The following SEC24B variants were observed in gnomAD, a reference collection of about 807,000 sequenced individuals.
SEC24B encodes the protein protein transport protein Sec24B.
SEC24B carries 45 observed loss-of-function variants against 142.8 expected under a neutral mutation model. The observed-to-expected ratio is 0.32, with a 90% CI of 0.25 to 0.40. The LOEUF is 0.40. SEC24B is among the 10% of genes least tolerant of loss of function. SEC24B has a pLI of 1.00. For missense variants in SEC24B, 1,409 were observed against 1,526.8 expected, an observed-to-expected ratio of 0.92 and a Z score of 1.29; for synonymous variants, 574 against 568.2, an observed-to-expected ratio of 1.01 and a Z score of -0.15.
intron 8 of SEC24B, among the ~76,000 whole-genome samples, chr4:109,510,553 G>A (rs1482628261): frequency 6.6e-6 from 1 of 152,130 alleles, no homozygotes; most frequent in Non-Finnish European, 1.5e-5. Flanking sequence ...AATGGCCCTG[G>A]AAGGTAGATA....
At chr4:109,466,272 A>T (rs1277879972) in intron 2 of SEC24B, among the ~76,000 whole-genome samples, 1 of 152,170 alleles carries the variant, frequency 6.6e-6, no homozygotes, top group Non-Finnish European at 1.5e-5. Context: ...CCTAGGTAAA[A>T]GTACCTTGTA....
At chr4:109,482,080 T>G (rs933595034) in intron 4 of SEC24B, among the ~76,000 whole-genome samples, 1 of 152,252 alleles carries the variant, frequency 6.6e-6, no homozygotes, top group East Asian at 1.9e-4. Flanking sequence ...TAATGAGTAC[T>G]GACTGAAGCT....
At chr4:109,506,768 C>T (rs189583103) in intron 7 of SEC24B, among the ~76,000 whole-genome samples, 8 of 152,090 alleles carry the variant, frequency 5.3e-5, no homozygotes, top group Admixed American at 2.6e-4. Context: ...TTTCAGGAAC[C>T]CAAATATAAC....
chr4:109,440,909 A>G (rs1253912523), intron 1 of SEC24B, among the ~76,000 whole-genome samples: 1 of 152,146 alleles, frequency 6.6e-6, no homozygotes, highest in Admixed American at 6.5e-5. Flanking sequence ...TTAAGGCTCA[A>G]TCACTATTTT....
chr4:109,473,312 CAT>C (rs1201430024), intron 3 of SEC24B, 126 bp downstream of exon 3: 3 of 561,720 alleles, frequency 5.3e-6, no homozygotes, highest in African/African-American at 3.9e-5. Context: ...TACAGTGTCT[CAT>C]ATATGTTTTA....
intron 1 of SEC24B, among the ~76,000 whole-genome samples, chr4:109,439,659 G>C (rs986079596): frequency 6.7e-6 from 1 of 150,164 alleles, no homozygotes; most frequent in Non-Finnish European, 1.5e-5. Flanking sequence ...GCGCCACCAT[G>C]CCTGGCTAAT....
At chr4:109,483,034 T>TTATGTATTTA (rs1172221220) in intron 4 of SEC24B, among the ~76,000 whole-genome samples, 1 of 108,764 alleles carries the variant, frequency 9.2e-6, no homozygotes, top group African/African-American at 3.9e-5. Flanking sequence ...ATATATGTAT[T>TTATGTATTTA]TATATATATG....
intron 14 of SEC24B, among the ~76,000 whole-genome samples, chr4:109,522,294 G>A (rs1474713626): frequency 1.3e-5 from 2 of 151,594 alleles, no homozygotes; most frequent in Admixed American, 6.6e-5. Context: ...CTCGTGATCC[G>A]CCCACTTCAG....
chr4:109,520,764 G>A (rs1723518392), intron 12 of SEC24B, among the ~76,000 whole-genome samples: 1 of 152,148 alleles, frequency 6.6e-6, no homozygotes, highest in Non-Finnish European at 1.5e-5. Context: ...AGGCTGAGGT[G>A]GGTGGATCAC....
intron 1 of SEC24B, among the ~76,000 whole-genome samples, chr4:109,459,810 A>G (rs1024084771): frequency 1.3e-5 from 2 of 152,208 alleles, no homozygotes; most frequent in Admixed American, 1.3e-4. Flanking sequence ...CTAAGTGGGT[A>G]GATATTTGAA....
chr4:109,516,051 A>G (rs897633393), intron 10 of SEC24B, among the ~76,000 whole-genome samples: 6 of 152,064 alleles, frequency 3.9e-5, no homozygotes, highest in East Asian at 1.9e-4. Flanking sequence ...CTGTCTCCAA[A>G]AAAAAGAAAA....
chr4:109,437,823 C>G (rs1337632426), intron 1 of SEC24B, among the ~76,000 whole-genome samples: 9 of 152,160 alleles, frequency 5.9e-5, no homozygotes, highest in Admixed American at 5.9e-4. Context: ...TGGAGTTTCA[C>G]CATGTTGGCC....
In SEC24B at chr4:109,538,557, G is replaced by C; in HGVS notation, c.3653G>C (p.Arg1218Thr). The C allele has an allele frequency of 6.2e-7, 1 of 1,612,376 alleles. No homozygotes were observed. Among genetic ancestry groups the C allele is most frequent in the Non-Finnish European group, 8.5e-7 (1 of 1,178,494 alleles). Residue 1218 changes from arginine (R) to threonine (T), a missense_variant, in exon 23 of 24, where the codon AGA becomes ACA. By Grantham distance (71) the Arg-to-Thr change is moderately conservative. Coordinates refer to ENST00000265175, the MANE Select transcript of SEC24B (RefSeq NM_006323.5). ...GCCAGATCCTTCATAACTTGGCTTA[G>C]AGACAGCAGACCATTAAGTCCAATC... ...ERARSFITWLRDSRPLSPILH... is the reference protein window; with the variant it reads ...ERARSFITWLTDSRPLSPILH...
At chr4:109,467,236 G>A (rs1309006596) in intron 2 of SEC24B, among the ~76,000 whole-genome samples, 2 of 148,596 alleles carry the variant, frequency 1.3e-5, no homozygotes, top group African/African-American at 5.0e-5. Context: ...TGAGGCAGGA[G>A]AATGGCGTGA....
chr4:109,509,809 A>G (rs1345165924), intron 7 of SEC24B, among the ~76,000 whole-genome samples, 200 bp from the exon 8 acceptor site: 1 of 152,054 alleles, frequency 6.6e-6, no homozygotes, highest in Non-Finnish European at 1.5e-5. Flanking sequence ...TTCCACCATG[A>G]AAGTGTTGAC....
chr4:109,462,263 A>G (rs1731338449), intron 1 of SEC24B, among the ~76,000 whole-genome samples: 1 of 152,226 alleles, frequency 6.6e-6, no homozygotes, highest in South Asian at 2.1e-4. Context: ...TGATAGCTGC[A>G]TAACAAAATA....
At chr4:109,447,134 GA>G (rs1380318478) in intron 1 of SEC24B, among the ~76,000 whole-genome samples, 1 of 152,156 alleles carries the variant, frequency 6.6e-6, no homozygotes, top group East Asian at 1.9e-4. Flanking sequence ...AGGTGAAGCA[GA>G]AGAGGGTATT....
At chr4:109,502,247 A>G (rs1561143364) in intron 6 of SEC24B, among the ~76,000 whole-genome samples, 1 of 152,232 alleles carries the variant, frequency 6.6e-6, no homozygotes, top group Non-Finnish European at 1.5e-5. Context: ...GATGAGATCG[A>G]AGAGCTAAAG....
chr4:109,464,270 T>C (rs1016015197), intron 2 of SEC24B, among the ~76,000 whole-genome samples: 20 of 151,920 alleles, frequency 1.3e-4, no homozygotes, highest in African/African-American at 3.9e-4. Context: ...ATTTAAAAAT[T>C]ATGTATGTAA....
Sources: gnomAD v4.1 joint callset for allele counts (sites outside exome capture counted in the v4.1 genomes callset) on GRCh38, gnomAD v4.1.1 for gene constraint, MANE v1.5 for transcripts, NCBI Gene and HGNC (gene_info 2026-07-23, HGNC 2026-07-21) for gene names.